USP40: variants seen among roughly 807,000 people sequenced by gnomAD.
USP40 encodes the protein ubiquitin carboxyl-terminal hydrolase 40.
Under a neutral mutation model 166.2 loss-of-function variants are expected in USP40, and 143 were observed. The observed-to-expected ratio is 0.86, with a 90% CI of 0.75 to 0.99. The LOEUF is 0.99. USP40 is among the 50% of genes least tolerant of loss of function. The pLI, the probability that USP40 is intolerant of heterozygous loss-of-function variation, is 0.00. For synonymous variants in USP40, 498 were observed against 524.0 expected, an observed-to-expected ratio of 0.95 and a Z score of 0.68; for missense variants, 1,444 against 1,479.7, an observed-to-expected ratio of 0.98 and a Z score of 0.40.
intron 8 of USP40, among the ~76,000 whole-genome samples, chr2:233,547,283 A>C (rs748231128): frequency 1.4e-4 from 21 of 152,242 alleles, no homozygotes; most frequent in Non-Finnish European, 2.6e-4. Context: ...CACAAAATTT[A>C]GGCATAGATC....
intron 27 of USP40, 130 bp from the exon 28 acceptor site, chr2:233,488,434 A>C (rs2065091607): frequency 1.3e-6 from 1 of 794,850 alleles, no homozygotes; most frequent in African/African-American, 1.8e-5. Flanking sequence ...GAACACCCAA[A>C]CTTTTGGAAA....
At chr2:233,498,920 C>A (rs1309024105) in intron 22 of USP40, among the ~76,000 whole-genome samples, 1 of 152,160 alleles carries the variant, frequency 6.6e-6, no homozygotes, top group Non-Finnish European at 1.5e-5. Context: ...ACAGAATGCA[C>A]TGAAATTTGG....
chr2:233,557,108 G>T (rs867649377), intron 4 of USP40, 89 bp from the exon 5 acceptor site: 1 of 1,191,474 alleles, frequency 8.4e-7, no homozygotes, highest in Middle Eastern at 2.0e-4. Context: ...AAAAACTCAA[G>T]ATTTATCAAG....
chr2:233,545,576 A>C (rs889853766), intron 8 of USP40: 2 of 152,460 alleles, frequency 1.3e-5, no homozygotes, highest in Non-Finnish European at 2.9e-5. Flanking sequence ...CCAGATCTAC[A>C]TTCACATTTT....
At chr2:233,490,160 C>CT (rs545796570) in intron 26 of USP40, among the ~76,000 whole-genome samples, 2,645 of 131,636 alleles carry the variant, frequency 0.02, 81 homozygotes, top group African/African-American at 0.037. Flanking sequence ...TTCTTTTCTC[C>CT]TTTTTTTTTT....
Position 233,556,698 on chromosome 2 carries a change from A to C in USP40, c.546+157T>G, listed in dbSNP as rs2125381020. On this transcript the variant is annotated intron_variant, in intron 5 of 31. Transcript: ENST00000678225. ...ATCTACATGGAGAAATCTGGATTAT[A>C]GGCTCATGATTTAGGTGTAGTTAGA... 5.3e-6 allele frequency: 3 copies of C among 567,650 alleles called. No homozygotes were observed. In the East Asian group the frequency reaches 1.0e-4, roughly 20 times the overall value. The allele number at this position is 567,650 out of a possible 1,614,324, so 35.2% of individuals were successfully genotyped here.
At chr2:233,495,449 G>T (rs1575234479) in intron 24 of USP40, among the ~76,000 whole-genome samples, 1 of 151,550 alleles carries the variant, frequency 6.6e-6, no homozygotes, top group Non-Finnish European at 1.5e-5. Flanking sequence ...AAGAGACAGG[G>T]TTTCACCATG....
chr2:233,500,007 G>A, intron 21 of USP40, 92 bp from the exon 22 acceptor site: 1 of 1,014,870 alleles, frequency 9.9e-7, no homozygotes, highest in South Asian at 1.6e-5. Flanking sequence ...GCCTATTTAA[G>A]TCTGACTATA....
chr2:233,520,938 A>G, intron 17 of USP40, 53 bp downstream of exon 17: 1 of 1,568,456 alleles, frequency 6.4e-7, no homozygotes, highest in Non-Finnish European at 8.6e-7. Flanking sequence ...TTTCTAAATA[A>G]AATTCTGTTA....
chr2:233,547,596 GACTT>G (rs1196823231), intron 8 of USP40, among the ~76,000 whole-genome samples: 2 of 152,178 alleles, frequency 1.3e-5, no homozygotes, highest in Non-Finnish European at 1.5e-5. Context: ...TACGGTTTGT[GACTT>G]ACTTATAGAC....
intron 13 of USP40, among the ~76,000 whole-genome samples, chr2:233,526,047 G>A (rs2068002286): frequency 6.6e-6 from 1 of 152,110 alleles, no homozygotes; most frequent in Admixed American, 6.6e-5. Flanking sequence ...GATTACCATG[G>A]CTTTGCTCTT....
At chr2:233,529,869 G>A (rs566407672) in intron 11 of USP40, among the ~76,000 whole-genome samples, 58 of 138,530 alleles carry the variant, frequency 4.2e-4, no homozygotes, top group Middle Eastern at 4.3e-3. Context: ...GTGCAGTGGC[G>A]CAATCTTAGC....
intron 30 of USP40, among the ~76,000 whole-genome samples, chr2:233,481,899 C>G (rs554802461): frequency 6.6e-6 from 1 of 152,182 alleles, no homozygotes; most frequent in Non-Finnish European, 1.5e-5. Context: ...ACAGGGAGGA[C>G]GCCTCAGGGG....
intron 17 of USP40, 33 bp downstream of exon 17, chr2:233,520,958 C>G: frequency 6.3e-7 from 1 of 1,585,940 alleles, no homozygotes; most frequent in Non-Finnish European, 8.6e-7. Flanking sequence ...AACTGAAAAT[C>G]TATCAGCCAA....
intron 7 of USP40, among the ~76,000 whole-genome samples, chr2:233,551,100 G>C (rs1283686690): frequency 6.6e-6 from 1 of 152,184 alleles, no homozygotes; most frequent in Non-Finnish European, 1.5e-5. Flanking sequence ...GTCCTCGCAG[G>C]AGACATATTT....
chr2:233,491,021 C>A (rs183596687), intron 26 of USP40, 146 bp downstream of exon 26: 1 of 749,656 alleles, frequency 1.3e-6, no homozygotes, highest in Non-Finnish European at 2.4e-6. Context: ...GTATTGCCTG[C>A]GGGTACTTAC....
At position 233,489,394 on chromosome 2, in the gene USP40, C is replaced by G; in HGVS notation, c.3102G>C (p.Arg1034Ser). 6.3e-7 allele frequency: 1 copy of G among 1,599,180 alleles called. No individual in the cohort carries two copies. Among genetic ancestry groups the G allele is most frequent in the Non-Finnish European group, 8.5e-7 (1 of 1,173,140 alleles). Reference sequence around the variant, plus strand: ...GTGGCTGCCGGTCAGTTCGTAAAAGCCTGCCTGGGCGCTTCCTCTCCACCG... The same window carrying G: ...GTGGCTGCCGGTCAGTTCGTAAAAGGCTGCCTGGGCGCTTCCTCTCCACCG... ...AWTVERKRPG[R>S]LLRTDRQPLR... Residue 1034 changes from arginine (R) to serine (S), a missense_variant, in exon 27 of 32, where the codon AGG (arginine) becomes AGC (serine). Transcript: ENST00000678225.
chr2:233,559,715 C>T, intron 4 of USP40, 96 bp downstream of exon 4: 3 of 798,800 alleles, frequency 3.8e-6, no homozygotes, highest in Non-Finnish European at 5.7e-6. Flanking sequence ...ATGTTGAGAC[C>T]CTAAGACAAA....
At chr2:233,520,622 A>G (rs933642749) in intron 17 of USP40, among the ~76,000 whole-genome samples, 3 of 152,182 alleles carry the variant, frequency 2.0e-5, no homozygotes, top group Admixed American at 2.0e-4. Flanking sequence ...AGTCCACAAC[A>G]CAAAACCAAA....
Sources: gnomAD v4.1 joint callset for allele counts (sites outside exome capture counted in the v4.1 genomes callset) on GRCh38, gnomAD v4.1.1 for gene constraint, MANE v1.5 for transcripts, NCBI Gene and HGNC (gene_info 2026-07-23, HGNC 2026-07-21) for gene names.